COL25A1: variants seen among roughly 807,000 people sequenced by gnomAD.
The protein encoded by COL25A1 is collagen type XXV alpha 1 chain.
A neutral mutation model predicts 128.4 loss-of-function variants in COL25A1; 103 were observed. That is an observed-to-expected ratio of 0.80 (90% CI 0.68 to 0.94). The LOEUF is 0.94. Ranked by LOEUF, COL25A1 falls within the 40% of genes least tolerant of loss-of-function variation. The pLI is 0.00. For missense variants in COL25A1, 745 were observed against 840.0 expected, an observed-to-expected ratio of 0.89 and a Z score of 1.40; for synonymous variants, 279 against 277.2, an observed-to-expected ratio of 1.01 and a Z score of -0.06.
intron 6 of COL25A1, among the ~76,000 whole-genome samples, chr4:108,996,276 A>G (rs1466032854): frequency 7.9e-6 from 1 of 126,080 alleles, no homozygotes; most frequent in African/African-American, 3.0e-5. Context: ...AGGAAGATCT[A>G]CCAAGCAAAT....
At chr4:109,058,295 G>T (rs1761631168) in intron 3 of COL25A1, among the ~76,000 whole-genome samples, 1 of 152,094 alleles carries the variant, frequency 6.6e-6, no homozygotes, top group African/African-American at 2.4e-5. Context: ...TTCTACTTGT[G>T]GGGAAGGGGG....
At chr4:109,189,227 G>A (rs1042036788) in intron 3 of COL25A1, among the ~76,000 whole-genome samples, 1 of 151,956 alleles carries the variant, frequency 6.6e-6, no homozygotes, top group African/African-American at 2.4e-5. Flanking sequence ...TAAGATTGAT[G>A]TGTCAATGAA....
rs367922831 is a variant in COL25A1, at chr4:108,915,738, T to C, written c.780+2434A>G. Among the ~76,000 whole-genome samples the C allele has an allele frequency of 8.5e-5, 13 of 152,264 alleles. No homozygotes were observed. In the East Asian group the frequency reaches 2.3e-3, roughly 27 times the overall value. ...ATGGCTTAGAAATTATATCCTCCCC[T>C]AACCACTGTCTGAAAACTTTTCTAA... On this transcript the variant is annotated intron_variant, in intron 13 of 37. Transcript: ENST00000399132.
intron 3 of COL25A1, among the ~76,000 whole-genome samples, chr4:109,273,545 A>G (rs1441121532): frequency 1.3e-5 from 2 of 152,178 alleles, no homozygotes; most frequent in Non-Finnish European, 2.9e-5. Context: ...TGTCAAAACA[A>G]TATGTTCTCA....
chr4:108,894,318 C>T (rs1172489059), intron 16 of COL25A1, among the ~76,000 whole-genome samples: 1 of 151,992 alleles, frequency 6.6e-6, no homozygotes, highest in Non-Finnish European at 1.5e-5. Flanking sequence ...ATAAAATTCT[C>T]TACATAAATC....
At chr4:109,064,205 C>T (rs1185482431) in intron 3 of COL25A1, among the ~76,000 whole-genome samples, 1 of 152,122 alleles carries the variant, frequency 6.6e-6, no homozygotes, top group Non-Finnish European at 1.5e-5. Context: ...CAGATGTCAA[C>T]CTTGGACCTT....
At chr4:109,205,030 G>T (rs1220900046) in intron 3 of COL25A1, among the ~76,000 whole-genome samples, 3 of 152,084 alleles carry the variant, frequency 2.0e-5, no homozygotes, top group African/African-American at 7.2e-5. Context: ...AAATATTAAG[G>T]AGCATGGCAA....
At chr4:109,288,555 T>C (rs1041878193) in intron 3 of COL25A1, among the ~76,000 whole-genome samples, 1 of 152,050 alleles carries the variant, frequency 6.6e-6, no homozygotes, top group Non-Finnish European at 1.5e-5. Context: ...TCCCTGGAAG[T>C]ACAGAAAAGG....
chr4:108,879,333 A>C (rs1739828560), intron 19 of COL25A1, among the ~76,000 whole-genome samples: 1 of 152,200 alleles, frequency 6.6e-6, no homozygotes. Context: ...TGTATTTGCC[A>C]CTAAAATGAT....
intron 3 of COL25A1, among the ~76,000 whole-genome samples, chr4:109,101,490 G>A (rs183572992): frequency 4.6e-5 from 7 of 152,264 alleles, no homozygotes; most frequent in Admixed American, 1.3e-4. Context: ...TTGGGAGAGC[G>A]GGGGATAGTT....
intron 6 of COL25A1, among the ~76,000 whole-genome samples, chr4:108,998,144 G>C (rs1200898414): frequency 1.3e-5 from 2 of 152,102 alleles, no homozygotes; most frequent in Non-Finnish European, 2.9e-5. Flanking sequence ...GCAAGAGAAA[G>C]AAATAAAGGG....
At chr4:109,249,325 T>G (rs1037685769) in intron 3 of COL25A1, among the ~76,000 whole-genome samples, 2 of 152,166 alleles carry the variant, frequency 1.3e-5, no homozygotes, top group African/African-American at 2.4e-5. Flanking sequence ...TCTTCATACC[T>G]CATGTCTTTA....
Position 108,995,771 on chromosome 4 carries a change from C to T in COL25A1, c.438+14587G>A, listed in dbSNP as rs1029850729. On this transcript the variant is annotated intron_variant, in intron 6 of 37. Transcript: ENST00000399132. ...CCCATCAGACTAACAGTGGATCTCT[C>T]GGCAGAAACCCTATAAGCCAGAAGA... Among the ~76,000 whole-genome samples the T allele has an allele frequency of 5.9e-5, 9 of 152,216 alleles. 1 individual carries two copies. In the South Asian group the frequency reaches 6.2e-4, roughly 11 times the overall value.
chr4:109,124,339 G>A (rs187934487), intron 3 of COL25A1, among the ~76,000 whole-genome samples: 2 of 151,984 alleles, frequency 1.3e-5, no homozygotes, highest in Admixed American at 6.6e-5. Flanking sequence ...AATTATGTGG[G>A]CAAATTACTC....
At chr4:109,285,116 T>C (rs909494016) in intron 3 of COL25A1, among the ~76,000 whole-genome samples, 6 of 151,966 alleles carry the variant, frequency 3.9e-5, no homozygotes, top group African/African-American at 1.2e-4. Context: ...AAGAAAGAAA[T>C]AGATGAGCTT....
At chr4:109,063,994 C>CA (rs1248193426) in intron 3 of COL25A1, among the ~76,000 whole-genome samples, 1 of 151,898 alleles carries the variant, frequency 6.6e-6, no homozygotes, top group Non-Finnish European at 1.5e-5. Flanking sequence ...CAAATGGGGA[C>CA]AAAAAATAGA....
chr4:109,196,751 G>A (rs1024505), intron 3 of COL25A1, among the ~76,000 whole-genome samples: 145,963 of 152,274 alleles, frequency 0.96, 70,027 homozygotes, highest in East Asian at 1. Context: ...AGTGGATTTA[G>A]CAGAAAGCTA....
chr4:109,185,181 T>C (rs1775022841), intron 3 of COL25A1, among the ~76,000 whole-genome samples: 1 of 152,206 alleles, frequency 6.6e-6, no homozygotes, highest in Non-Finnish European at 1.5e-5. Flanking sequence ...TCCCCTAAAA[T>C]TATTCATAAG....
At chr4:108,948,919 T>C (rs1405147) in intron 8 of COL25A1, among the ~76,000 whole-genome samples, 18,859 of 152,242 alleles carry the variant, frequency 0.12, 1,534 homozygotes, top group Non-Finnish European at 0.19. Context: ...AAACTATTCA[T>C]ATAGGGCCAA....
Sources: gnomAD v4.1 joint callset for allele counts (sites outside exome capture counted in the v4.1 genomes callset) on GRCh38, gnomAD v4.1.1 for gene constraint, MANE v1.5 for transcripts, NCBI Gene and HGNC (gene_info 2026-07-23, HGNC 2026-07-21) for gene names.